Variants in TCF4 observed in about 807,000 individuals in gnomAD.
TCF4 encodes SL3-3 enhancer factor 2.
A neutral mutation model predicts 82.1 loss-of-function variants in TCF4; 3 were observed. The observed-to-expected ratio is 0.04, with a 90% confidence interval of 0.02 to 0.09. TCF4 has a LOEUF of 0.09. Ranked by LOEUF, TCF4 falls within the 10% of genes least tolerant of loss-of-function variation. The pLI, the probability that TCF4 is intolerant of heterozygous loss-of-function variation, is 1.00. For missense variants in TCF4, 518 were observed against 852.7 expected, an observed-to-expected ratio of 0.61 and a Z score of 4.89; for synonymous variants, 276 against 309.6, an observed-to-expected ratio of 0.89 and a Z score of 1.14.
At chr18:55,498,031 G>A (rs1216766346) in intron 3 of TCF4, among the ~76,000 whole-genome samples, 3 of 152,290 alleles carry the variant, frequency 2.0e-5, no homozygotes, top group South Asian at 4.2e-4. Context: ...GGTGACACAC[G>A]TGGCCATGGG....
intron 15 of TCF4, among the ~76,000 whole-genome samples, chr18:55,247,570 G>A (rs2053666763): frequency 6.6e-6 from 1 of 152,190 alleles, no homozygotes; most frequent in Non-Finnish European, 1.5e-5. Flanking sequence ...AATGGGGGAG[G>A]AGATAGATCC....
chr18:55,471,378 G>A (rs186072568), intron 3 of TCF4, among the ~76,000 whole-genome samples: 184 of 152,222 alleles, frequency 1.2e-3, no homozygotes, highest in African/African-American at 4.2e-3. Context: ...AAAGGATGAG[G>A]GTTGTGTCAA....
At chr18:55,597,235 A>G (rs1323007293) in intron 2 of TCF4, among the ~76,000 whole-genome samples, 3 of 152,218 alleles carry the variant, frequency 2.0e-5, no homozygotes, top group Non-Finnish European at 4.4e-5. Flanking sequence ...ATGTGAGAAC[A>G]GTCTAATGCA....
At chr18:55,606,603 G>A (rs1247088914) in intron 2 of TCF4, among the ~76,000 whole-genome samples, 1 of 152,162 alleles carries the variant, frequency 6.6e-6, no homozygotes, top group Admixed American at 6.5e-5. Context: ...GCAGATAAAG[G>A]TAGAAATTTC....
rs2096946544 is a variant in TCF4, at chr18:55,523,111, A to G, written c.146-58974T>C. On this transcript the variant is annotated intron_variant, in intron 3 of 19. Coordinates refer to ENST00000354452, the MANE Select transcript of TCF4 (RefSeq NM_001083962.2). ...ATTTAAATGAGAGTTCAAGTTAGCT[A>G]TTGTATTAAAAGGAAAAAACTGCCA... Among the ~76,000 whole-genome samples, 4 of 152,184 alleles carry G rather than the reference A, an allele frequency of 2.6e-5. No individual in the cohort carries two copies. The South Asian group carries it at 8.3e-4, about 31-fold the overall frequency.
At chr18:55,553,594 C>T (rs1051671254) in intron 3 of TCF4, among the ~76,000 whole-genome samples, 8 of 152,168 alleles carry the variant, frequency 5.3e-5, no homozygotes, top group African/African-American at 1.9e-4. Context: ...TATGTATTTA[C>T]TCTCTGTCTT....
At chr18:55,398,383 C>T (rs566036660) in intron 6 of TCF4, among the ~76,000 whole-genome samples, 3 of 152,262 alleles carry the variant, frequency 2.0e-5, no homozygotes, top group South Asian at 2.1e-4. Flanking sequence ...TTTCAATGTT[C>T]GGACCAGGAT....
At chr18:55,626,436 G>C (rs1263257401) in intron 2 of TCF4, among the ~76,000 whole-genome samples, 1 of 152,176 alleles carries the variant, frequency 6.6e-6, no homozygotes, top group African/African-American at 2.4e-5. Flanking sequence ...AGTAGTTAGA[G>C]CTGTTAAAAA....
intron 6 of TCF4, among the ~76,000 whole-genome samples, chr18:55,400,423 G>A (rs779893244): frequency 5.3e-5 from 8 of 152,172 alleles, no homozygotes; most frequent in East Asian, 1.9e-4. Flanking sequence ...AAAAAAGTTC[G>A]TTTGGCTACT....
Position 55,351,756 on chromosome 18 carries a change from TATA to T in TCF4, c.370-756_370-754del, listed in dbSNP as rs1410478566. The T allele has an allele frequency of 3.0e-5, 20 of 662,298 alleles. No individual in the cohort carries two copies. The East Asian group carries it at 1.4e-3, about 45-fold the overall frequency. The allele number at this position is 662,298 out of a possible 1,614,324, so 41.0% of individuals were successfully genotyped here. A position where few individuals can be genotyped will look rare whatever the true frequency, so the allele number is the denominator to read the frequency against. ...AAAAATGATGACATCAGAAAGATTA[TATA>T]ATATTACATTTTCTAAAAACTACAT... is the stretch of plus-strand genomic sequence containing the variant. On this transcript the variant is annotated intron_variant, in intron 6 of 19. Transcript: ENST00000354452.
intron 3 of TCF4, among the ~76,000 whole-genome samples, chr18:55,521,663 T>A (rs911949265): frequency 1.3e-5 from 2 of 152,228 alleles, no homozygotes; most frequent in Non-Finnish European, 2.9e-5. Flanking sequence ...AAGTGCAGGT[T>A]ACTTTAATAA....
At chr18:55,251,438 A>C (rs2055061541) in intron 15 of TCF4, among the ~76,000 whole-genome samples, 1 of 152,220 alleles carries the variant, frequency 6.6e-6, no homozygotes, top group Non-Finnish European at 1.5e-5. Context: ...TTAGCAATTA[A>C]ATGAGATAAC....
At chr18:55,379,680 T>C (rs1034005249) in intron 6 of TCF4, among the ~76,000 whole-genome samples, 23 of 152,334 alleles carry the variant, frequency 1.5e-4, no homozygotes, top group African/African-American at 5.3e-4. Flanking sequence ...ATGATCATTT[T>C]CAATGCTCTC....
intron 11 of TCF4, chr18:55,268,003 C>A (rs984269393): frequency 6.6e-6 from 1 of 152,120 alleles, no homozygotes; most frequent in South Asian, 2.1e-4. Context: ...CCAGCTAAAA[C>A]CAAGCAAAAC....
intron 15 of TCF4, among the ~76,000 whole-genome samples, chr18:55,238,004 T>C (rs982614105): frequency 1.3e-5 from 2 of 152,242 alleles, no homozygotes; most frequent in Non-Finnish European, 2.9e-5. Context: ...CCCACTGGCA[T>C]TAAGGCGGCC....
intron 5 of TCF4, among the ~76,000 whole-genome samples, chr18:55,439,151 C>T (rs931697432): frequency 1.6e-4 from 24 of 152,294 alleles, no homozygotes; most frequent in Admixed American, 2.6e-4. Context: ...GCAAAAACTT[C>T]ATGAATTCCA....
intron 3 of TCF4, among the ~76,000 whole-genome samples, chr18:55,540,984 TTG>T (rs1183015596): frequency 1.3e-5 from 2 of 151,994 alleles, no homozygotes; most frequent in Non-Finnish European, 2.9e-5. Flanking sequence ...GCTAAGGTAA[TTG>T]TGTGTTTGTG....
At chr18:55,516,165 G>T (rs624244) in intron 3 of TCF4, among the ~76,000 whole-genome samples, 32 of 151,806 alleles carry the variant, frequency 2.1e-4, no homozygotes, top group African/African-American at 7.8e-4. Flanking sequence ...ATGACTGGAC[G>T]TGAGTTTGGA....
intron 3 of TCF4, among the ~76,000 whole-genome samples, chr18:55,535,151 C>T (rs908439847): frequency 6.6e-6 from 1 of 152,208 alleles, no homozygotes; most frequent in African/African-American, 2.4e-5. Context: ...CCACGTGAGA[C>T]ACTGTGTTCC....
Sources: gnomAD v4.1 joint callset for allele counts (sites outside exome capture counted in the v4.1 genomes callset) on GRCh38, gnomAD v4.1.1 for gene constraint, MANE v1.5 for transcripts, NCBI Gene and HGNC (gene_info 2026-07-23, HGNC 2026-07-21) for gene names.